Variants in CNIH1 observed in about 807,000 individuals in gnomAD.
CNIH1 encodes cornichon family member 1.
Under a neutral mutation model 20.2 loss-of-function variants are expected in CNIH1, and 12 were observed. The ratio of observed to expected loss-of-function variants is 0.59; its 90% confidence interval spans 0.38 to 0.96. The LOEUF is 0.96. CNIH1 is among the 40% of genes least tolerant of loss of function. The pLI is 0.00. For missense variants in CNIH1, 152 were observed against 178.8 expected, an observed-to-expected ratio of 0.85 and a Z score of 0.85; for synonymous variants, 69 against 63.3, an observed-to-expected ratio of 1.09 and a Z score of -0.43.
rs1170645121 is a variant in CNIH1 at position 54,425,427 on chromosome 14, G to C, written c.*2387C>G. ...CTAAATGAACAGCTGTTGCTGCACA[G>C]GGAATGTTTAACGTAAACTGAATTA... is the stretch of plus-strand genomic sequence containing the variant. On this transcript the variant is annotated 3_prime_UTR_variant, in exon 5 of 5. Coordinates refer to ENST00000216416, the MANE Select transcript of CNIH1 (RefSeq NM_005776.3). 1.3e-5 allele frequency: 2 copies of C among 151,750 alleles called. No homozygotes were observed. The highest frequency in any genetic ancestry group is 1.5e-5 in the Non-Finnish European group (1 of 67,822). 9.4% of individuals were successfully genotyped at this position (151,750 alleles called of 1,614,324 possible).
chr14:54,436,074 C>T (rs1046420412), intron 2 of CNIH1: 12 of 702,206 alleles, frequency 1.7e-5, no homozygotes, highest in South Asian at 1.2e-4. Flanking sequence ...AAAAGCAGTA[C>T]ACACCTTTAA....
Position 54,441,276 on chromosome 14 carries a change from C to A in CNIH1, c.52G>T (p.Ala18Ser). Residue 18 changes from alanine (A) to serine (S), a missense_variant, in exon 1 of 5, where the codon GCC becomes TCC. Physicochemically the swap from Ala to Ser is moderately conservative, Grantham distance 99. Transcript: ENST00000216416. ...FCYMLALLLT[A>S]ALIFFAIWHI... ...CAAATGGCGAAGAAGATGAGCGCGG[C>A]AGTGAGCAGCAGCGCCAGCATGTAG... 6.6e-7 allele frequency: 1 copy of A among 1,521,492 alleles called. No individual in the cohort carries two copies. The highest frequency in any genetic ancestry group is 8.8e-7 in the Non-Finnish European group (1 of 1,131,982). 94.2% of individuals were successfully genotyped at this position (1,521,492 alleles called of 1,614,324 possible).
At chr14:54,439,561 T>G (rs1478943490) in intron 1 of CNIH1, among the ~76,000 whole-genome samples, 1 of 142,766 alleles carries the variant, frequency 7.0e-6, no homozygotes, top group Admixed American at 6.9e-5. Context: ...TCTTTTTTTT[T>G]GTTTTTTTTT....
intron 2 of CNIH1, among the ~76,000 whole-genome samples, chr14:54,434,848 G>C (rs1354631192): frequency 6.6e-6 from 1 of 152,170 alleles, no homozygotes; most frequent in East Asian, 1.9e-4. Flanking sequence ...ATCTTCTTAT[G>C]TCTTGTTTCA....
rs1187596807 is a variant in CNIH1 at position 54,427,085 on chromosome 14, TTAATAAG to T, written c.*722_*728del. The T allele has an allele frequency of 9.9e-5, 15 of 151,900 alleles. No individual in the cohort carries two copies. Among genetic ancestry groups the T allele is most frequent in the African/African-American group, 3.4e-4 (14 of 41,354 alleles). 9.4% of individuals were successfully genotyped at this position (151,900 alleles called of 1,614,324 possible). The stretch of plus-strand genomic sequence containing the variant: ...AACAGTAAGCATAATAACCAATTTC[TTAATAAG>T]TAATGTCTTACAAATAAAAACACAT... On this transcript the variant is annotated 3_prime_UTR_variant, in exon 5 of 5. Coordinates refer to ENST00000216416, the MANE Select transcript of CNIH1 (RefSeq NM_005776.3).
rs1422217175 is a variant in CNIH1, at chr14:54,424,389, G to A, written c.*3425C>T. The A allele has an allele frequency of 1.3e-5, 2 of 152,174 alleles. No homozygotes were observed. Among genetic ancestry groups the A allele is most frequent in the South Asian group, 2.1e-4 (1 of 4,830 alleles). The allele number at this position is 152,174 out of a possible 1,614,324, so 9.4% of individuals were successfully genotyped here. A position where few individuals can be genotyped will look rare whatever the true frequency, so the allele number is the denominator to read the frequency against. On this transcript the variant is annotated 3_prime_UTR_variant, in exon 5 of 5. Transcript: ENST00000216416. Reference sequence around the variant, plus strand: ...AACTGAGAGATGTACATTTATGGATGTTAAATGACATAAATAAGTAAACTA... The same window carrying A: ...AACTGAGAGATGTACATTTATGGATATTAAATGACATAAATAAGTAAACTA...
At chr14:54,434,301 T>C (rs568153151) in intron 2 of CNIH1, among the ~76,000 whole-genome samples, 70 of 152,324 alleles carry the variant, frequency 4.6e-4, no homozygotes, top group African/African-American at 1.6e-3. Context: ...AGCATTAGGA[T>C]GTCCCAAGCA....
chr14:54,436,554 T>A, intron 1 of CNIH1, 117 bp from the exon 2 acceptor site: 3 of 636,420 alleles, frequency 4.7e-6, no homozygotes, highest in Non-Finnish European at 8.4e-6. Context: ...TACACCAAGA[T>A]CCCAAATACC....
In CNIH1 at chr14:54,434,530, T is replaced by C. The variant is rs10142290; in HGVS notation, c.150+1839A>G. Among the ~76,000 whole-genome samples the C allele has an allele frequency of 6.5e-3, 991 of 152,296 alleles. 11 individuals are homozygous for C. Among genetic ancestry groups the C allele is most frequent in the African/African-American group, 0.023 (942 of 41,554 alleles). ...TTAACCTGGCAAAGCTTCAGTTTAC[T>C]CTCCTATTCATGAGATAACAATTTA... On this transcript the variant is annotated intron_variant, in intron 2 of 4. Coordinates refer to ENST00000216416, the MANE Select transcript of CNIH1 (RefSeq NM_005776.3).
Position 54,441,164 on chromosome 14 carries a change from C to T in CNIH1, c.81+83G>A, listed in dbSNP as rs2031166458. On this transcript the variant is annotated intron_variant, in intron 1 of 4. Coordinates refer to ENST00000216416, the MANE Select transcript of CNIH1 (RefSeq NM_005776.3). The stretch of plus-strand genomic sequence containing the variant: ...CCCCGACGCGCAAAGCCCCGGCGGC[C>T]GTGGCGGCCCGGACCGCGGGCCCGG... The T allele has an allele frequency of 3.7e-6, 5 of 1,341,414 alleles. No homozygotes were observed. The South Asian group carries it at 6.8e-5, about 18-fold the overall frequency. The allele number at this position is 1,341,414 out of a possible 1,614,324, so 83.1% of individuals were successfully genotyped here.
Position 54,423,882 on chromosome 14 carries a change from T to C in CNIH1, c.*3932A>G, listed in dbSNP as rs893625872. ...GTCAAGATGTTCTCCACATCTACAA[T>C]GTGCATTAACAAAATTAATGCAGAT... is the stretch of plus-strand genomic sequence containing the variant. On this transcript the variant is annotated 3_prime_UTR_variant, in exon 5 of 5. Transcript: ENST00000216416. 1.3e-5 allele frequency: 2 copies of C among 152,230 alleles called. No homozygotes were observed. The allele number at this position is 152,230 out of a possible 1,614,324, so 9.4% of individuals were successfully genotyped here.
rs2030825728 is a variant in CNIH1 at position 54,426,298 on chromosome 14, C to A, written c.*1516G>T. The stretch of plus-strand genomic sequence containing the variant: ...ACCCAGAATAGTTAACAGCTACTCT[C>A]TCCCAACCATGGGAAAGCACTGAAA... On this transcript the variant is annotated 3_prime_UTR_variant, in exon 5 of 5. Transcript: ENST00000216416. 1 of 152,222 alleles carries A rather than the reference C, an allele frequency of 6.6e-6. No individual in the cohort carries two copies. Among genetic ancestry groups the A allele is most frequent in the African/African-American group, 2.4e-5 (1 of 41,458 alleles). 9.4% of individuals were successfully genotyped at this position (152,222 alleles called of 1,614,324 possible). A position where few individuals can be genotyped will look rare whatever the true frequency, so the allele number is the denominator to read the frequency against.
rs1388198612 is a variant in CNIH1 at position 54,423,971 on chromosome 14, C to T, written c.*3843G>A. The stretch of plus-strand genomic sequence containing the variant: ...ATACTATTTTCCAAAATCAGCAGAA[C>T]AAGCTGCAGTTACTTCTTTTAGACA... On this transcript the variant is annotated 3_prime_UTR_variant, in exon 5 of 5. Transcript: ENST00000216416. 2 of 152,186 alleles carry T rather than the reference C, an allele frequency of 1.3e-5. No homozygotes were observed. The highest frequency in any genetic ancestry group is 4.8e-5 in the African/African-American group (2 of 41,450). 9.4% of individuals were successfully genotyped at this position (152,186 alleles called of 1,614,324 possible).
chr14:54,435,618 G>A (rs1054335859), intron 2 of CNIH1, among the ~76,000 whole-genome samples: 30 of 152,190 alleles, frequency 2.0e-4, no homozygotes, highest in African/African-American at 7.2e-4. Context: ...AGAGCCCCCA[G>A]AACAGAGCTA....
At chr14:54,431,035 G>C (rs1001800544) in intron 3 of CNIH1, among the ~76,000 whole-genome samples, 10 of 151,972 alleles carry the variant, frequency 6.6e-5, no homozygotes, top group Admixed American at 6.6e-4. Context: ...ACGTTGCCCA[G>C]TCTGTTCTCC....
rs2030791095 is a variant in CNIH1 at position 54,424,607 on chromosome 14, T to C, written c.*3207A>G. On this transcript the variant is annotated 3_prime_UTR_variant, in exon 5 of 5. Coordinates refer to ENST00000216416, the MANE Select transcript of CNIH1 (RefSeq NM_005776.3). ...AGAAGAGAGGTGTTGTACAAAGGAT[T>C]TTGCTGGTTTCAAAGCACATACAAC... The C allele has an allele frequency of 6.6e-6, 1 of 152,322 alleles. No homozygotes were observed. The highest frequency in any genetic ancestry group is 1.5e-5 in the Non-Finnish European group (1 of 68,030). 9.4% of individuals were successfully genotyped at this position (152,322 alleles called of 1,614,324 possible).
chr14:54,439,552 CTTTT>C (rs534454023), intron 1 of CNIH1, among the ~76,000 whole-genome samples: 18 of 146,824 alleles, frequency 1.2e-4, no homozygotes, highest in African/African-American at 3.0e-4. Context: ...TTCTTTCTTT[CTTTT>C]TTTTTGTTTT....
In CNIH1 at chr14:54,430,272, G is replaced by A; in HGVS notation, c.396C>T (p.Tyr132=). 6.2e-7 allele frequency: 1 copy of A among 1,613,954 alleles called. No individual in the cohort carries two copies. The change falls in exon 4 of 5, where the codon TAC becomes TAT. Residue 132 remains tyrosine, a synonymous_variant. Coordinates refer to ENST00000216416, the MANE Select transcript of CNIH1 (RefSeq NM_005776.3). The part of the protein sequence containing the change: ...KLAFYLLAFF[Y]YLYGMIYVLV... The stretch of plus-strand genomic sequence containing the variant: ...CCTTTTCAACTTACCCATATAGGTA[G>A]TAAAAAAATGCTAGAAGATAAAAAG...
intron 4 of CNIH1, among the ~76,000 whole-genome samples, chr14:54,429,529 TG>T (rs1383907520): frequency 6.6e-6 from 1 of 152,110 alleles, no homozygotes; most frequent in Non-Finnish European, 1.5e-5. Context: ...GAGGCCAAGG[TG>T]GGCGGATCAC....
Sources: allele counts gnomAD v4.1 joint callset (sites outside exome capture counted in the v4.1 genomes callset), GRCh38; gene constraint gnomAD v4.1.1; transcripts MANE v1.5; gene names NCBI Gene and HGNC (gene_info 2026-07-23, HGNC 2026-07-21).